The following LRRTM4 variants were observed in gnomAD, a reference collection of about 807,000 sequenced individuals.
The protein encoded by LRRTM4 is leucine-rich repeat transmembrane neuronal protein 4.
A neutral mutation model predicts 47.6 loss-of-function variants in LRRTM4; 25 were observed. That is an observed-to-expected ratio of 0.53 (90% CI 0.38 to 0.73). The LOEUF (loss-of-function observed/expected upper bound fraction) is 0.73, where lower values mean the gene tolerates loss of function less well. LRRTM4 is among the 30% of genes least tolerant of loss of function. The pLI, the probability that LRRTM4 is intolerant of heterozygous loss-of-function variation, is 0.00. For synonymous variants in LRRTM4, 311 were observed against 269.5 expected, an observed-to-expected ratio of 1.15 and a Z score of -1.51; for missense variants, 638 against 713.4, an observed-to-expected ratio of 0.89 and a Z score of 1.20.
intron 3 of LRRTM4, among the ~76,000 whole-genome samples, chr2:77,440,289 C>T (rs887256122): frequency 6.6e-6 from 1 of 152,102 alleles, no homozygotes; most frequent in African/African-American, 2.4e-5. Flanking sequence ...TGGCGGGCGC[C>T]TGTAGTCCCA....
rs553617437 is a variant in LRRTM4, at chr2:77,378,013, C to A, written c.1551+140305G>T. On this transcript the variant is annotated intron_variant, in intron 3 of 3. Transcript: ENST00000409884. ...AAAATACTTTGGTAATTTAGGTTCT[C>A]TAGAAAAAGTTCATTTTGCACAGGT... Among the ~76,000 whole-genome samples the A allele has an allele frequency of 3.2e-3, 488 of 152,018 alleles. 7 individuals are homozygous for A. Among genetic ancestry groups the A allele is most frequent in the Middle Eastern group, 0.014 (4 of 282 alleles).
intron 3 of LRRTM4, among the ~76,000 whole-genome samples, chr2:77,057,173 TG>T (rs1274432054): frequency 6.6e-6 from 1 of 152,196 alleles, no homozygotes; most frequent in Non-Finnish European, 1.5e-5. Context: ...ACATATACCA[TG>T]GTTCAGAAAG....
intron 3 of LRRTM4, among the ~76,000 whole-genome samples, chr2:76,757,312 T>C (rs557267382): frequency 6.6e-6 from 1 of 152,302 alleles, no homozygotes; most frequent in East Asian, 1.9e-4. Flanking sequence ...TCAACAGTTA[T>C]CCAAATTTTA....
intron 3 of LRRTM4, among the ~76,000 whole-genome samples, chr2:77,446,902 G>A (rs1450030203): frequency 6.6e-6 from 1 of 152,086 alleles, no homozygotes; most frequent in Non-Finnish European, 1.5e-5. Context: ...ATGGAAACAT[G>A]TTTAAGAATA....
chr2:77,276,686 CATATATATATAT>C (rs3980215), intron 3 of LRRTM4, among the ~76,000 whole-genome samples: 1,559 of 71,722 alleles, frequency 0.022, 90 homozygotes, highest in South Asian at 0.047. Context: ...TTTGTGTACG[CATATATATATAT>C]ATATATATAT....
chr2:77,503,904 GT>G (rs1678667621), intron 3 of LRRTM4, among the ~76,000 whole-genome samples: 1 of 151,668 alleles, frequency 6.6e-6, no homozygotes. Context: ...GATGAAGTCA[GT>G]GGCAAGCTTA....
intron 3 of LRRTM4, among the ~76,000 whole-genome samples, chr2:77,125,778 C>G (rs370837015): frequency 1.4e-4 from 21 of 151,902 alleles, no homozygotes; most frequent in African/African-American, 4.8e-4. Context: ...ATTTGAAAAA[C>G]AGTTGTGCAT....
chr2:77,208,803 A>G (rs899846562), intron 3 of LRRTM4, among the ~76,000 whole-genome samples: 2 of 152,174 alleles, frequency 1.3e-5, no homozygotes, highest in African/African-American at 4.8e-5. Context: ...GGAAGTGTTT[A>G]TAGGAGCTGG....
chr2:76,935,310 G>A (rs2103845651), intron 3 of LRRTM4, among the ~76,000 whole-genome samples: 1 of 152,228 alleles, frequency 6.6e-6, no homozygotes, highest in East Asian at 1.9e-4. Context: ...TGTTATTTTT[G>A]CTTAGGATTG....
chr2:77,075,871 C>T (rs1680318454), intron 3 of LRRTM4, among the ~76,000 whole-genome samples: 1 of 132,854 alleles, frequency 7.5e-6, no homozygotes, highest in Non-Finnish European at 1.5e-5. Flanking sequence ...GCCGAGATCC[C>T]GCCACTGCAC....
At chr2:76,914,311 C>A (rs1488100738) in intron 3 of LRRTM4, among the ~76,000 whole-genome samples, 1 of 151,888 alleles carries the variant, frequency 6.6e-6, no homozygotes, top group Non-Finnish European at 1.5e-5. Context: ...ATTTCATTTG[C>A]AAGAGGCTTG....
intron 3 of LRRTM4, among the ~76,000 whole-genome samples, chr2:77,290,623 G>T (rs1259245277): frequency 1.3e-5 from 2 of 151,686 alleles, no homozygotes; most frequent in Non-Finnish European, 2.9e-5. Context: ...TTAATTTGAG[G>T]TATTCTGTGC....
intron 3 of LRRTM4, among the ~76,000 whole-genome samples, chr2:76,811,120 C>CTT (rs1670719372): frequency 2.0e-5 from 3 of 152,244 alleles, no homozygotes; most frequent in African/African-American, 7.2e-5. Flanking sequence ...TCCTCCTTAC[C>CTT]TTTTACCAGC....
chr2:76,919,396 A>C (rs941850143), intron 3 of LRRTM4, among the ~76,000 whole-genome samples: 1 of 152,286 alleles, frequency 6.6e-6, no homozygotes, highest in African/African-American at 2.4e-5. Context: ...GAGGCAGAAT[A>C]TTCCAAGAGC....
intron 3 of LRRTM4, among the ~76,000 whole-genome samples, chr2:77,058,237 G>T (rs1433730017): frequency 1.3e-5 from 2 of 151,980 alleles, no homozygotes; most frequent in Non-Finnish European, 2.9e-5. Context: ...TTAGTTAGTG[G>T]GTATTTTTTT....
intron 3 of LRRTM4, among the ~76,000 whole-genome samples, chr2:76,895,608 C>T (rs939514963): frequency 6.6e-6 from 1 of 152,004 alleles, no homozygotes; most frequent in African/African-American, 2.4e-5. Context: ...ACCTTGAACT[C>T]TAGATCTGTC....
chr2:77,051,503 A>G, intron 3 of LRRTM4, among the ~76,000 whole-genome samples: 1 of 152,154 alleles, frequency 6.6e-6, no homozygotes. Context: ...ATCAAGAAAA[A>G]ATCCATCATC....
chr2:76,947,178 GATA>G (rs923448039), intron 3 of LRRTM4, among the ~76,000 whole-genome samples: 2 of 151,832 alleles, frequency 1.3e-5, no homozygotes, highest in East Asian at 1.9e-4. Flanking sequence ...GTAATAAGCT[GATA>G]ATAATAAGTA....
At chr2:77,489,357 T>C (rs1192910841) in intron 3 of LRRTM4, among the ~76,000 whole-genome samples, 1 of 152,220 alleles carries the variant, frequency 6.6e-6, no homozygotes, top group Non-Finnish European at 1.5e-5. Flanking sequence ...AGTCTGCTTT[T>C]ACTGTGATTT....
Sources: allele counts gnomAD v4.1 joint callset (sites outside exome capture counted in the v4.1 genomes callset), GRCh38; gene constraint gnomAD v4.1.1; transcripts MANE v1.5; gene names NCBI Gene and HGNC (gene_info 2026-07-23, HGNC 2026-07-21).